Variants in GATA2 observed in about 807,000 individuals in gnomAD.
The protein encoded by GATA2 is endothelial transcription factor GATA-2.
A neutral mutation model predicts 35.7 loss-of-function variants in GATA2; 6 were observed. That is an observed-to-expected ratio of 0.17 (90% CI 0.09 to 0.33). The LOEUF (loss-of-function observed/expected upper bound fraction) is 0.33, where lower values mean the gene tolerates loss of function less well. GATA2 is among the 10% of genes least tolerant of loss of function. The pLI, the probability that GATA2 is intolerant of heterozygous loss-of-function variation, is 1.00. For missense variants in GATA2, 541 were observed against 656.6 expected (o/e 0.82, Z 1.92); for synonymous variants, 313 against 274.9 (o/e 1.14, Z -1.37).
chr3:128,480,008 G>C lies in GATA2; in HGVS notation c.*1011C>G. On this transcript the variant is annotated 3_prime_UTR_variant, in exon 6 of 6. Coordinates refer to ENST00000341105, the MANE Select transcript of GATA2 (RefSeq NM_032638.5). ...TTCATACTAGGGCTGTGGGATCCCA[G>C]CTCTTTTCCAAAAAGAATTGCAAAG... 4.3e-6 allele frequency: 1 copy of C among 232,892 alleles called. No individual in the cohort carries two copies. The allele number at this position is 232,892 out of a possible 1,614,324, so 14.4% of individuals were successfully genotyped here. A position where few individuals can be genotyped will look rare whatever the true frequency, so the allele number is the denominator to read the frequency against.
At chr3:128,483,771 G>A (rs986855864) in intron 4 of GATA2, 89 bp downstream of exon 4, 20 of 1,529,828 alleles carry the variant, frequency 1.3e-5, no homozygotes, top group African/African-American at 2.7e-5. Context: ...GCGGCAAAGC[G>A]TCTGCATTTG....
chr3:128,487,867 T>G (rs2335237), intron 1 of GATA2: 103,775 of 152,336 alleles, frequency 0.68, 35,964 homozygotes, highest in African/African-American at 0.79. Context: ...CCTCGGGCCC[T>G]CCCGGCTCCG....
At chr3:128,486,397 T>C (rs1576749350) in intron 2 of GATA2, 29 bp from the exon 3 acceptor site, 2 of 1,588,278 alleles carry the variant, frequency 1.3e-6, no homozygotes, top group African/African-American at 1.3e-5. Context: ...AGGATCAGGG[T>C]GGGCAGAAAG....
intron 4 of GATA2, 41 bp downstream of exon 4, chr3:128,483,819 T>G: frequency 6.2e-7 from 1 of 1,613,930 alleles, no homozygotes; most frequent in East Asian, 2.2e-5. Context: ...CGCCAGCTCC[T>G]GCCCAGCAGC....
At position 128,486,057 on chromosome 3, in the gene GATA2, C is replaced by T. The variant is rs1060500093; in HGVS notation, c.541G>A (p.Val181Met). The T allele has an allele frequency of 6.2e-7, 1 of 1,613,130 alleles. No homozygotes were observed. The highest frequency in any genetic ancestry group is 8.5e-7 in the Non-Finnish European group (1 of 1,179,196). The change falls in exon 3 of 6, where the codon GTG becomes ATG. Residue 181 changes from valine (V) to methionine (M), a missense_variant. Val to Met is a conservative substitution (Grantham distance 21). Coordinates refer to ENST00000341105, the MANE Select transcript of GATA2 (RefSeq NM_032638.5). ...FGFPPTPPKE[V>M]SPDPSTTGAA... ...CCCGTGGTGCTAGGGTCAGGAGACA[C>T]TTCTTTGGGTGGCGTGGGTGGGAAG...
chr3:128,481,430 AG>A (rs2068627117), intron 5 of GATA2, 112 bp from the exon 6 acceptor site: 4 of 1,222,130 alleles, frequency 3.3e-6, no homozygotes, highest in Non-Finnish European at 4.8e-6. Context: ...CCAGGAAGCC[AG>A]GAATTGTGCC....
chr3:128,481,943 G>C lies in GATA2; in HGVS notation c.1019C>G (p.Ser340Trp), dbSNP rs745439347. Residue 340 changes from serine to tryptophan, a missense_variant and splice_region_variant, in exon 5 of 6, where the codon TCG becomes TGG. Coordinates refer to ENST00000341105, the MANE Select transcript of GATA2 (RefSeq NM_032638.5). ...RPLIKPKRRL[S>W]AARRAGTCCA... ...ACAGGTGCCGGCTCTTCTGGCGGCCGACTGGGAGGGCAAGGCAGCGTCAGC... is the reference window on the plus strand; with the variant it reads ...ACAGGTGCCGGCTCTTCTGGCGGCCCACTGGGAGGGCAAGGCAGCGTCAGC... The C allele has an allele frequency of 6.2e-7, 1 of 1,613,164 alleles. No individual in the cohort carries two copies. Among genetic ancestry groups the C allele is most frequent in the Admixed American group, 1.7e-5 (1 of 60,014 alleles).
rs1184708789 is a variant in GATA2 at position 128,488,702 on chromosome 3, TC to T, written c.-45-1627del. On this transcript the variant is annotated intron_variant, in intron 1 of 5. Coordinates refer to ENST00000341105, the MANE Select transcript of GATA2 (RefSeq NM_032638.5). This position sits in a 1 kb window ranked among gnomAD's most constrained non-coding sequence, Gnocchi z 5.8. ...GGGCAAGAGGTGGCATTTTTTTTCCTCCGGGGGGGGTCCCCGAGGTGGCCTC... is the reference window on the plus strand; with the variant it reads ...GGGCAAGAGGTGGCATTTTTTTTCCTCGGGGGGGGTCCCCGAGGTGGCCTC... Among the ~76,000 whole-genome samples the T allele has an allele frequency of 1.3e-5, 2 of 151,638 alleles. No individual in the cohort carries two copies. The highest frequency in any genetic ancestry group is 2.1e-4 in the South Asian group (1 of 4,786).
At chr3:128,484,105 C>G in intron 3 of GATA2, 100 bp from the exon 4 acceptor site, 1 of 1,459,590 alleles carries the variant, frequency 6.9e-7, no homozygotes, top group Middle Eastern at 2.2e-4. Context: ...GTGCCGGTGC[C>G]TCTCAGGCAC....
chr3:128,481,256 G>A lies in GATA2; in HGVS notation c.1206C>T (p.Asn402=), dbSNP rs376420351. 1.9e-5 allele frequency: 31 copies of A among 1,614,090 alleles called. No individual in the cohort carries two copies. The highest frequency in any genetic ancestry group is 2.5e-5 in the Non-Finnish European group (29 of 1,180,056). ...CCCCTTTCTTGCTCTTCTTGGACTT[G>A]TTGGACATCTTCCGGTTCCGAGTCT... ...GIQTRNRKMS[N]KSKKSKKGAE... Residue 402 remains asparagine, a synonymous_variant, in exon 6 of 6, where the codon AAC becomes AAT. Coordinates refer to ENST00000341105, the MANE Select transcript of GATA2 (RefSeq NM_032638.5).
rs558780535 is a variant in GATA2 at position 128,483,647 on chromosome 3, G to T, written c.1017+213C>A. Reference sequence around the variant, plus strand: ...GAGCAGAGTGGGGTGGCGCAAGGGTGCCCGGTGGGCTCCCTATACCCGAGG... The same window carrying T: ...GAGCAGAGTGGGGTGGCGCAAGGGTTCCCGGTGGGCTCCCTATACCCGAGG... On this transcript the variant is annotated intron_variant, in intron 4 of 5. Transcript: ENST00000341105. Among the ~76,000 whole-genome samples the T allele has an allele frequency of 5.3e-5, 8 of 152,288 alleles. No individual in the cohort carries two copies. In the East Asian group the frequency reaches 1.5e-3, roughly 29 times the overall value.
At chr3:128,486,640 G>A (rs1217244858) in intron 2 of GATA2, among the ~76,000 whole-genome samples, 163 bp downstream of exon 2, 1 of 152,132 alleles carries the variant, frequency 6.6e-6, no homozygotes, top group African/African-American at 2.4e-5. Flanking sequence ...GTGGGTCCCA[G>A]ACCCTCCCCA....
At chr3:128,481,756 T>G (rs1002673215) in intron 5 of GATA2, 63 bp downstream of exon 5, 12 of 1,567,524 alleles carry the variant, frequency 7.7e-6, no homozygotes, top group East Asian at 2.3e-5. Context: ...GCCTCTTGCC[T>G]GGCAGCACAA....
chr3:128,484,220 C>T (rs2068666559), intron 3 of GATA2, among the ~76,000 whole-genome samples: 1 of 152,210 alleles, frequency 6.6e-6, no homozygotes, highest in Admixed American at 6.5e-5. Context: ...AGCCAAATCC[C>T]CTGCTTCCAA....
In GATA2 at chr3:128,488,961, G is replaced by A. The variant is rs2068741007; in HGVS notation, c.-45-1885C>T. On this transcript the variant is annotated intron_variant, in intron 1 of 5. Transcript: ENST00000341105. This position sits in a 1 kb window ranked among gnomAD's most constrained non-coding sequence, Gnocchi z 5.8. ...GGGACCTAGACAGGTGCCGAGTACT[G>A]GGGGGACTCAACAGCGTCCTCCAGC... is the stretch of plus-strand genomic sequence containing the variant. 6.6e-6 allele frequency among the ~76,000 whole-genome samples: 1 copy of A among 152,070 alleles called. No individual in the cohort carries two copies. The highest frequency in any genetic ancestry group is 1.5e-5 in the Non-Finnish European group (1 of 68,004).
At position 128,486,034 on chromosome 3, in the gene GATA2, C is replaced by T. The variant is rs34870876; in HGVS notation, c.564G>A (p.Thr188=). 1.9e-6 allele frequency: 3 copies of T among 1,605,506 alleles called. No individual in the cohort carries two copies. Among genetic ancestry groups the T allele is most frequent in the Admixed American group, 3.3e-5 (2 of 59,740 alleles). Residue 188 remains threonine (T), a synonymous_variant, in exon 3 of 6, where the codon ACG becomes ACA. Coordinates refer to ENST00000341105, the MANE Select transcript of GATA2 (RefSeq NM_032638.5). The part of the protein sequence containing the change: ...PKEVSPDPST[T]GAASPASSSA... ...AAGATGAGGCTGGAGACGCAGCCCC[C>T]GTGGTGCTAGGGTCAGGAGACACTT...
Position 128,480,200 on chromosome 3 carries a change from G to C in GATA2, c.*819C>G, listed in dbSNP as rs893926618. 3 of 233,174 alleles carry C rather than the reference G, an allele frequency of 1.3e-5. No individual in the cohort carries two copies. The highest frequency in any genetic ancestry group is 2.5e-5 in the Non-Finnish European group (3 of 118,060). The allele number at this position is 233,174 out of a possible 1,614,324, so 14.4% of individuals were successfully genotyped here. On this transcript the variant is annotated 3_prime_UTR_variant, in exon 6 of 6. Coordinates refer to ENST00000341105, the MANE Select transcript of GATA2 (RefSeq NM_032638.5). ...TCTTTTGTCTCAGAGTAGGAGGCGA[G>C]GGGGTTGAAGGGTTAGCAGAAAAAG...
rs2068606388 is a variant in GATA2 at position 128,480,198 on chromosome 3, G to A, written c.*821C>T. ...TTTCTTTTGTCTCAGAGTAGGAGGC[G>A]AGGGGGTTGAAGGGTTAGCAGAAAA... is the stretch of plus-strand genomic sequence containing the variant. On this transcript the variant is annotated 3_prime_UTR_variant, in exon 6 of 6. Coordinates refer to ENST00000341105, the MANE Select transcript of GATA2 (RefSeq NM_032638.5). The A allele has an allele frequency of 4.3e-6, 1 of 233,188 alleles. No individual in the cohort carries two copies. The highest frequency in any genetic ancestry group is 2.2e-5 in the African/African-American group (1 of 45,346). 14.4% of individuals were successfully genotyped at this position (233,188 alleles called of 1,614,324 possible).
chr3:128,481,031 G>C lies in GATA2; in HGVS notation c.1431C>G (p.Thr477=). Residue 477 remains threonine (T), a synonymous_variant, in exon 6 of 6, where the codon ACC becomes ACG. Transcript: ENST00000341105. ...FGHPHPSSMV[T]AMG is the part of the protein sequence containing the mutation. ...GTCCATCTGTTCCCTAGCCCATGGC[G>C]GTCACCATGCTGGACGGGTGGGGGT... 6.3e-7 allele frequency: 1 copy of C among 1,577,976 alleles called. No homozygotes were observed. The highest frequency in any genetic ancestry group is 1.2e-5 in the South Asian group (1 of 84,020).
Sources: gnomAD v4.1 joint callset for allele counts (sites outside exome capture counted in the v4.1 genomes callset) on GRCh38, gnomAD v4.1.1 for gene constraint, Gnocchi (gnomAD v3.1) non-coding constraint, MANE v1.5 for transcripts, NCBI Gene and HGNC (gene_info 2026-07-23, HGNC 2026-07-21) for gene names.